Variants in CDK14 observed in about 807,000 individuals in gnomAD.
CDK14 encodes the protein cyclin-dependent kinase 14.
Under a neutral mutation model 60.7 loss-of-function variants are expected in CDK14, and 34 were observed. The ratio of observed to expected loss-of-function variants is 0.56; its 90% CI spans 0.43 to 0.75. CDK14 has a LOEUF of 0.75. Among genes scored for constraint, CDK14 ranks in the 30% least tolerant of loss-of-function variants. CDK14 has a pLI of 0.00. For synonymous variants in CDK14, 197 were observed against 203.7 expected (o/e 0.97, Z 0.28); for missense variants, 482 against 564.1 (o/e 0.85, Z 1.47).
At position 91,208,160 on chromosome 7, in the gene CDK14, A is replaced by G. The variant is rs975853426; in HGVS notation, c.*1024A>G. 4 of 152,668 alleles carry G rather than the reference A, an allele frequency of 2.6e-5. No individual in the cohort carries two copies. The highest frequency in any genetic ancestry group is 5.9e-5 in the Non-Finnish European group (4 of 68,040). 9.5% of individuals were successfully genotyped at this position (152,668 alleles called of 1,614,324 possible). On this transcript the variant is annotated 3_prime_UTR_variant, in exon 15 of 15. Coordinates refer to ENST00000380050, the MANE Select transcript of CDK14 (RefSeq NM_001287135.2). ...GCACCTTTAAAAAAAATACATTTTAAAAAAACATTCCAAGCCAATTGGAAG... is the reference window on the plus strand; with the variant it reads ...GCACCTTTAAAAAAAATACATTTTAGAAAAACATTCCAAGCCAATTGGAAG...
At chr7:90,717,383 C>G (rs1267789763) in intron 2 of CDK14, among the ~76,000 whole-genome samples, 1 of 151,962 alleles carries the variant, frequency 6.6e-6, no homozygotes, top group African/African-American at 2.4e-5. Flanking sequence ...AGTTATCAAG[C>G]CTATTGATGG....
chr7:90,701,244 A>G (rs1801780200), intron 2 of CDK14, among the ~76,000 whole-genome samples: 1 of 152,164 alleles, frequency 6.6e-6, no homozygotes, highest in African/African-American at 2.4e-5. Context: ...GGTATCTATA[A>G]GGATAGTCAG....
At chr7:90,997,944 G>A (rs1795732340) in intron 10 of CDK14, among the ~76,000 whole-genome samples, 3 of 152,064 alleles carry the variant, frequency 2.0e-5, no homozygotes. Flanking sequence ...TTAGTACTGG[G>A]AATGCCACTC....
chr7:90,647,637 T>C (rs1800498386), intron 2 of CDK14, among the ~76,000 whole-genome samples: 1 of 152,134 alleles, frequency 6.6e-6, no homozygotes, highest in South Asian at 2.1e-4. Context: ...AATTTCAAGA[T>C]ATGTTAAAAG....
chr7:90,631,911 G>A (rs956324457), intron 2 of CDK14: 1 of 152,212 alleles, frequency 6.6e-6, no homozygotes, highest in African/African-American at 2.4e-5. Context: ...CTGCCATGTT[G>A]CAGCAGGACA....
At chr7:90,747,288 A>G (rs971595486) in intron 3 of CDK14, among the ~76,000 whole-genome samples, 1 of 152,182 alleles carries the variant, frequency 6.6e-6, no homozygotes, top group African/African-American at 2.4e-5. Flanking sequence ...CTCCTAATTT[A>G]GAAGATGGTA....
chr7:91,037,994 T>C (rs924356701), intron 10 of CDK14, among the ~76,000 whole-genome samples: 1 of 152,206 alleles, frequency 6.6e-6, no homozygotes, highest in Non-Finnish European at 1.5e-5. Flanking sequence ...TCCTGCACTG[T>C]GCATGGCAGC....
intron 12 of CDK14, among the ~76,000 whole-genome samples, chr7:91,093,601 C>A (rs190531760): frequency 5.7e-4 from 87 of 152,216 alleles, no homozygotes; most frequent in African/African-American, 1.9e-3. Context: ...TCTTAAGGTA[C>A]CTCACCATTA....
chr7:91,198,248 G>A (rs958793155), intron 14 of CDK14, among the ~76,000 whole-genome samples: 4 of 152,106 alleles, frequency 2.6e-5, no homozygotes, highest in Non-Finnish European at 5.9e-5. Context: ...AAAGTTGCAG[G>A]GCTTTTGTGG....
intron 1 of CDK14, among the ~76,000 whole-genome samples, chr7:90,599,566 A>G (rs1584732430): frequency 6.6e-6 from 1 of 152,222 alleles, no homozygotes; most frequent in East Asian, 1.9e-4. Context: ...ATCTATCACA[A>G]GGTGAAGGTC....
At chr7:91,185,427 A>G (rs1262694516) in intron 14 of CDK14, among the ~76,000 whole-genome samples, 1 of 149,528 alleles carries the variant, frequency 6.7e-6, no homozygotes, top group African/African-American at 2.4e-5. Flanking sequence ...ATATAAATGC[A>G]AAAACAATAG....
At chr7:90,825,035 G>C (rs555134461) in intron 5 of CDK14, among the ~76,000 whole-genome samples, 2 of 152,176 alleles carry the variant, frequency 1.3e-5, no homozygotes, top group Non-Finnish European at 2.9e-5. Flanking sequence ...GTTACCTTTG[G>C]TTGTACAGCC....
intron 5 of CDK14, among the ~76,000 whole-genome samples, chr7:90,798,961 A>G (rs1788535082): frequency 6.6e-6 from 1 of 152,230 alleles, no homozygotes; most frequent in African/African-American, 2.4e-5. Context: ...TTTGAAAGAC[A>G]GTGGATAAAA....
chr7:90,694,604 A>T (rs1801619288), intron 2 of CDK14, among the ~76,000 whole-genome samples: 1 of 152,208 alleles, frequency 6.6e-6, no homozygotes, highest in African/African-American at 2.4e-5. Flanking sequence ...AATTAAAATA[A>T]CTATAATTGA....
intron 2 of CDK14, among the ~76,000 whole-genome samples, chr7:90,685,649 ATTTTTTTTTTTTT>A (rs66912750): frequency 8.9e-5 from 9 of 101,682 alleles, no homozygotes; most frequent in South Asian, 3.4e-4. Context: ...CAGCCAATTA[ATTTTTTTTTTTTT>A]TTTTTTTTTT....
intron 7 of CDK14, among the ~76,000 whole-genome samples, chr7:90,912,710 C>T (rs1403815570): frequency 3.3e-5 from 5 of 152,100 alleles, no homozygotes; most frequent in Admixed American, 2.0e-4. Flanking sequence ...CGGGCTCAAG[C>T]GATCTTCCCA....
intron 3 of CDK14, among the ~76,000 whole-genome samples, chr7:90,738,688 G>C (rs887998144): frequency 2.0e-4 from 31 of 152,266 alleles, no homozygotes; most frequent in African/African-American, 7.2e-4. Flanking sequence ...GTAGGGAAGC[G>C]ATAAGCAGAG....
rs1280851207 is a variant in CDK14 at position 90,863,203 on chromosome 7, T to C, written c.573T>C (p.Ala191=). ...EASLLKGLKH[A]NIVLLHDIIH... ...CTCTTTTAAAAGGACTAAAACATGC[T>C]AACATAGTGCTACTTCATGACATCA... is the stretch of plus-strand genomic sequence containing the variant. Residue 191 remains alanine, a synonymous_variant, in exon 6 of 15, where the codon GCT becomes GCC. Coordinates refer to ENST00000380050, the MANE Select transcript of CDK14 (RefSeq NM_001287135.2). 6.2e-7 allele frequency: 1 copy of C among 1,608,604 alleles called. No individual in the cohort carries two copies. Among genetic ancestry groups the C allele is most frequent in the Non-Finnish European group, 8.5e-7 (1 of 1,176,072 alleles).
chr7:91,047,255 T>C (rs1472741083), intron 11 of CDK14, among the ~76,000 whole-genome samples: 3 of 152,202 alleles, frequency 2.0e-5, no homozygotes, highest in Admixed American at 2.0e-4. Context: ...CAGGAGACTT[T>C]AAAAAGATTT....
Sources: allele counts gnomAD v4.1 joint callset (sites outside exome capture counted in the v4.1 genomes callset), GRCh38; gene constraint gnomAD v4.1.1; transcripts MANE v1.5; gene names NCBI Gene and HGNC (gene_info 2026-07-23, HGNC 2026-07-21).